RANBP2: variants seen among roughly 807,000 people sequenced by gnomAD.
The protein encoded by RANBP2 is E3 SUMO-protein ligase RanBP2.
RANBP2 carries 57 observed loss-of-function variants against 303.6 expected under a neutral mutation model. That is an observed-to-expected ratio of 0.19 (90% confidence interval 0.15 to 0.23). The LOEUF (loss-of-function observed/expected upper bound fraction) is 0.23. Among genes scored for constraint, RANBP2 ranks in the 10% least tolerant of loss-of-function variants. The pLI, the probability that RANBP2 is intolerant of heterozygous loss-of-function variation, is 1.00. For synonymous variants in RANBP2, 1,167 were observed against 1,301.5 expected (o/e 0.90, Z 2.23); for missense variants, 3,138 against 3,780.8 (o/e 0.83, Z 4.46).
the RANBP2 span, among the ~76,000 whole-genome samples, chr2:109,164,458 A>G: frequency 6.6e-6 from 1 of 152,226 alleles, no homozygotes; most frequent in African/African-American, 2.4e-5. Flanking sequence ...AGCTGGGACT[A>G]CAGCTGTGAG....
At chr2:109,542,551 C>A in the RANBP2 span, among the ~76,000 whole-genome samples, 1 of 152,172 alleles carries the variant, frequency 6.6e-6, no homozygotes, top group Non-Finnish European at 1.5e-5. Flanking sequence ...CCCGCAGTGT[C>A]ATCGAGCCCA....
chr2:109,456,647 C>T, the RANBP2 span, among the ~76,000 whole-genome samples: 1,705 of 152,310 alleles, frequency 0.011, 36 homozygotes, highest in African/African-American at 0.038. Flanking sequence ...CCTGTAGAAA[C>T]TCCGTGGCCT....
the RANBP2 span, chr2:109,419,641 G>A: frequency 1.9e-6 from 3 of 1,572,432 alleles, no homozygotes; most frequent in Non-Finnish European, 2.6e-6. Flanking sequence ...GCCCCTCAAC[G>A]TGTGAGCTGC....
the RANBP2 span, among the ~76,000 whole-genome samples, chr2:108,888,827 T>C: frequency 6.6e-6 from 1 of 152,018 alleles, no homozygotes; most frequent in African/African-American, 2.4e-5. Context: ...CTTTATTATT[T>C]CTTTTTGTCT....
the RANBP2 span, among the ~76,000 whole-genome samples, chr2:108,827,574 T>G: frequency 4.0e-5 from 6 of 151,592 alleles, no homozygotes; most frequent in African/African-American, 1.5e-4. Context: ...CCCAGCACTT[T>G]GGGAGGCCAA....
intron 1 of RANBP2, among the ~76,000 whole-genome samples, chr2:108,725,441 T>C (rs1694623356): frequency 6.6e-6 from 1 of 152,240 alleles, no homozygotes; most frequent in South Asian, 2.1e-4. Flanking sequence ...TTTGGCATTG[T>C]ACCTTGAATC....
chr2:108,775,161 T>C (rs1677789863), intron 23 of RANBP2, among the ~76,000 whole-genome samples: 1 of 152,242 alleles, frequency 6.6e-6, no homozygotes, highest in African/African-American at 2.4e-5. Context: ...TTTATTTTCC[T>C]TGAGACGTTC....
chr2:109,417,250 G>A, the RANBP2 span, among the ~76,000 whole-genome samples: 212 of 152,276 alleles, frequency 1.4e-3, no homozygotes, highest in African/African-American at 5.0e-3. Context: ...CCCTTGGGGT[G>A]TCTCTGCCCT....
chr2:109,180,321 A>T, the RANBP2 span, among the ~76,000 whole-genome samples: 1 of 151,942 alleles, frequency 6.6e-6, no homozygotes, highest in Non-Finnish European at 1.5e-5. Context: ...GGTATTGATG[A>T]CTTTTTCTCT....
the RANBP2 span, among the ~76,000 whole-genome samples, chr2:108,874,863 C>T: frequency 6.6e-6 from 1 of 151,924 alleles, no homozygotes; most frequent in Non-Finnish European, 1.5e-5. Context: ...CCTTATGGTG[C>T]CATGAAGCTG....
At chr2:108,872,606 A>T in the RANBP2 span, among the ~76,000 whole-genome samples, 1 of 152,142 alleles carries the variant, frequency 6.6e-6, no homozygotes, top group Admixed American at 6.5e-5. Context: ...CAGTATCAAG[A>T]TGCTGGCATC....
At chr2:109,057,771 C>T in the RANBP2 span, among the ~76,000 whole-genome samples, 1 of 152,182 alleles carries the variant, frequency 6.6e-6, no homozygotes, top group Non-Finnish European at 1.5e-5. Context: ...TTCGCCCCGC[C>T]CCGGGACAAA....
At chr2:109,475,313 A>G in the RANBP2 span, among the ~76,000 whole-genome samples, 8 of 152,302 alleles carry the variant, frequency 5.3e-5, 2 homozygotes, top group South Asian at 4.1e-4. Context: ...CTACAGGACT[A>G]TTGTGTCTGC....
the RANBP2 span, among the ~76,000 whole-genome samples, chr2:109,063,561 C>T: frequency 1.3e-5 from 2 of 152,260 alleles, no homozygotes; most frequent in South Asian, 2.1e-4. Context: ...GGAACCGTCC[C>T]GGGGTTTCTT....
the RANBP2 span, among the ~76,000 whole-genome samples, chr2:109,110,992 C>T: frequency 8.5e-5 from 13 of 152,282 alleles, no homozygotes; most frequent in Admixed American, 1.3e-4. Context: ...TGGACATGAT[C>T]GGAAACCAAC....
At chr2:109,570,610 C>T in the RANBP2 span, among the ~76,000 whole-genome samples, 43 of 133,708 alleles carry the variant, frequency 3.2e-4, no homozygotes, top group African/African-American at 1.1e-3. Context: ...CTGCAACCTC[C>T]GCCTCCCAAG....
At chr2:108,944,184 G>C in the RANBP2 span, among the ~76,000 whole-genome samples, 1 of 152,188 alleles carries the variant, frequency 6.6e-6, no homozygotes, top group African/African-American at 2.4e-5. Context: ...CACGATCTCG[G>C]CTCACTGCAA....
chr2:108,823,857 ATCC>A, the RANBP2 span, among the ~76,000 whole-genome samples: 1 of 152,048 alleles, frequency 6.6e-6, no homozygotes, highest in Non-Finnish European at 1.5e-5. Flanking sequence ...GGCATCTGTA[ATCC>A]CAGCTACTCG....
the RANBP2 span, among the ~76,000 whole-genome samples, chr2:109,166,326 A>T: frequency 6.6e-6 from 1 of 152,008 alleles, no homozygotes; most frequent in African/African-American, 2.4e-5. Context: ...AAAATAAAAA[A>T]ATTAGCCGAG....
Sources: allele counts gnomAD v4.1 joint callset (sites outside exome capture counted in the v4.1 genomes callset), GRCh38; gene constraint gnomAD v4.1.1; transcripts MANE v1.5; gene names NCBI Gene and HGNC (gene_info 2026-07-23, HGNC 2026-07-21).